CSMD1: variants seen among roughly 807,000 people sequenced by gnomAD.
CSMD1 encodes CUB and sushi domain-containing protein 1.
In CSMD1, 213 loss-of-function variants were observed where a neutral mutation model predicts 417.5. The observed-to-expected ratio is 0.51, with a 90% CI of 0.46 to 0.57. The LOEUF is 0.57. CSMD1 is among the 20% of genes least tolerant of loss of function. The pLI, the probability that CSMD1 is intolerant of heterozygous loss-of-function variation, is 0.00. For synonymous variants in CSMD1, 2,862 were observed against 1,736.8 expected, an observed-to-expected ratio of 1.65 and a Z score of -16.11; for missense variants, 6,923 against 4,529.7, an observed-to-expected ratio of 1.53 and a Z score of -15.17.
At chr8:3,318,649 T>C (rs1439581452) in intron 23 of CSMD1, among the ~76,000 whole-genome samples, 1 of 152,198 alleles carries the variant, frequency 6.6e-6, no homozygotes, top group Admixed American at 6.5e-5. Flanking sequence ...ACTCAGAGTT[T>C]AATTGGAGGT....
chr8:3,325,766 G>C (rs540568114), intron 23 of CSMD1, among the ~76,000 whole-genome samples: 1 of 152,202 alleles, frequency 6.6e-6, no homozygotes, highest in Admixed American at 6.5e-5. Context: ...AGAGGTTGCA[G>C]TGAGCCGAGA....
At chr8:3,833,572 T>C (rs1016355056) in intron 5 of CSMD1, among the ~76,000 whole-genome samples, 12 of 152,138 alleles carry the variant, frequency 7.9e-5, no homozygotes, top group African/African-American at 2.7e-4. Context: ...ATCAACTTTT[T>C]TGTTTTTCAT....
At chr8:3,693,088 T>G (rs1800343187) in intron 7 of CSMD1, among the ~76,000 whole-genome samples, 2 of 152,284 alleles carry the variant, frequency 1.3e-5, no homozygotes, top group East Asian at 3.9e-4. Flanking sequence ...ATTCTAGATG[T>G]TGAATACAAA....
intron 23 of CSMD1, among the ~76,000 whole-genome samples, chr8:3,325,669 C>T (rs544163052): frequency 1.3e-5 from 2 of 152,186 alleles, no homozygotes; most frequent in African/African-American, 4.8e-5. Flanking sequence ...ACTAAAAATA[C>T]AGAAGTTAGC....
chr8:4,945,429 T>TA (rs1015996437), intron 1 of CSMD1, among the ~76,000 whole-genome samples: 14 of 151,570 alleles, frequency 9.2e-5, no homozygotes, highest in Admixed American at 9.2e-4. Context: ...TACCGCAATT[T>TA]AAAAAAATAC....
chr8:4,644,556 G>A (rs994120462), intron 1 of CSMD1, among the ~76,000 whole-genome samples: 12 of 152,180 alleles, frequency 7.9e-5, no homozygotes, highest in South Asian at 4.2e-4. Flanking sequence ...ACAGGCACGC[G>A]CCACCACACC....
At chr8:3,819,576 G>A (rs1265318425) in intron 5 of CSMD1, among the ~76,000 whole-genome samples, 7 of 146,324 alleles carry the variant, frequency 4.8e-5, no homozygotes, top group South Asian at 2.2e-4. Context: ...GTATATAAAC[G>A]CCAACATGCG....
intron 6 of CSMD1, among the ~76,000 whole-genome samples, chr8:3,729,967 A>C (rs2623738): frequency 8.5e-6 from 1 of 117,438 alleles, no homozygotes; most frequent in African/African-American, 3.3e-5. Context: ...AAAAACAAAA[A>C]CAGAAGAACG....
At chr8:4,615,825 C>T (rs74423125) in intron 2 of CSMD1, among the ~76,000 whole-genome samples, 3 of 152,106 alleles carry the variant, frequency 2.0e-5, no homozygotes, top group African/African-American at 7.2e-5. Context: ...GATAATCTAT[C>T]AAAACCTTCC....
chr8:3,372,260 A>G (rs1196074167), intron 18 of CSMD1, among the ~76,000 whole-genome samples: 1 of 152,198 alleles, frequency 6.6e-6, no homozygotes, highest in African/African-American at 2.4e-5. Context: ...GGTTAGGACC[A>G]GGGCTCAAGC....
chr8:4,789,664 C>T (rs1371186358), intron 1 of CSMD1, among the ~76,000 whole-genome samples: 2 of 152,002 alleles, frequency 1.3e-5, no homozygotes, highest in African/African-American at 2.4e-5. Context: ...AGCTGTATGT[C>T]AGAATTTAGC....
At chr8:4,329,866 AC>A (rs1350464747) in intron 3 of CSMD1, among the ~76,000 whole-genome samples, 5 of 151,902 alleles carry the variant, frequency 3.3e-5, no homozygotes, top group Admixed American at 1.3e-4. Flanking sequence ...ACACACACAC[AC>A]ACACACAGAC....
At position 3,828,600 on chromosome 8, in the gene CSMD1, T is replaced by G. The variant is rs1585055951; in HGVS notation, c.819-74558A>C. 2.0e-5 allele frequency among the ~76,000 whole-genome samples: 3 copies of G among 152,290 alleles called. No individual in the cohort carries two copies. The South Asian group carries it at 6.2e-4, about 32-fold the overall frequency. ...CTCTCTGCAAAGCATTCGACAATTT[T>G]CTTCCATTTCTTCCTGTCCCAATCC... On this transcript the variant is annotated intron_variant, in intron 5 of 69. Coordinates refer to ENST00000635120, the MANE Select transcript of CSMD1 (RefSeq NM_033225.6).
At chr8:4,205,367 A>G (rs1799914407) in intron 3 of CSMD1, among the ~76,000 whole-genome samples, 1 of 152,242 alleles carries the variant, frequency 6.6e-6, no homozygotes, top group African/African-American at 2.4e-5. Flanking sequence ...CACAAGGGAA[A>G]AAGTGTGAAC....
chr8:4,309,463 A>C (rs1050496765), intron 3 of CSMD1, among the ~76,000 whole-genome samples: 11 of 142,474 alleles, frequency 7.7e-5, no homozygotes, highest in Admixed American at 6.0e-4. Context: ...GAAAGACGAG[A>C]AAAAATAAAT....
In CSMD1 at chr8:4,239,155, G is replaced by A. The variant is rs566442398; in HGVS notation, c.415+180798C>T. On this transcript the variant is annotated intron_variant, in intron 3 of 69. Transcript: ENST00000635120. ...TTTACTCCCCAATTAAAATCATTAC[G>A]TTCTCCACCAGAGTTGAATGAACTA... is the stretch of plus-strand genomic sequence containing the variant. 5.9e-5 allele frequency among the ~76,000 whole-genome samples: 9 copies of A among 152,212 alleles called. No homozygotes were observed. In the East Asian group the frequency reaches 7.7e-4, roughly 13 times the overall value.
chr8:3,667,018 G>T (rs544147518), intron 7 of CSMD1, among the ~76,000 whole-genome samples: 2 of 152,128 alleles, frequency 1.3e-5, no homozygotes, highest in African/African-American at 4.8e-5. Context: ...CAACCCTGAA[G>T]GCGCCAAGCT....
chr8:4,715,107 A>C (rs1440349256), intron 1 of CSMD1, among the ~76,000 whole-genome samples: 13 of 152,320 alleles, frequency 8.5e-5, no homozygotes. Flanking sequence ...CTCATCACTT[A>C]TAGTTCAGAT....
chr8:3,777,627 C>G lies in CSMD1; in HGVS notation c.819-23585G>C, dbSNP rs566993909. ...ATGAGATGCCTCCCCCACCAGCATC[C>G]CAACCAGCAACAAGAACTCCTCCAA... On this transcript the variant is annotated intron_variant, in intron 5 of 69. Transcript: ENST00000635120. Among the ~76,000 whole-genome samples, 6 of 152,316 alleles carry G rather than the reference C, an allele frequency of 3.9e-5. No homozygotes were observed. In the East Asian group the frequency reaches 9.7e-4, roughly 25 times the overall value.
Sources: allele counts gnomAD v4.1 joint callset (sites outside exome capture counted in the v4.1 genomes callset), GRCh38; gene constraint gnomAD v4.1.1; transcripts MANE v1.5; gene names NCBI Gene and HGNC (gene_info 2026-07-23, HGNC 2026-07-21).